The following ZRANB2 variants were observed in gnomAD, a reference collection of about 807,000 sequenced individuals.
ZRANB2 encodes the protein zinc finger Ran-binding domain-containing protein 2.
ZRANB2 carries 19 observed loss-of-function variants against 53.4 expected under a neutral mutation model. The ratio of observed to expected loss-of-function variants is 0.36; its 90% CI spans 0.25 to 0.52. The LOEUF (loss-of-function observed/expected upper bound fraction) is 0.52. ZRANB2 is among the 20% of genes least tolerant of loss of function. The probability of loss-of-function intolerance (pLI) is 0.93; values close to 1 mark genes in which losing one functional copy is unlikely to be tolerated. For missense variants in ZRANB2, 309 were observed against 401.1 expected, an observed-to-expected ratio of 0.77 and a Z score of 1.96; for synonymous variants, 145 against 134.8, an observed-to-expected ratio of 1.08 and a Z score of -0.52.
At chr1:71,080,536 C>A (rs1441163743) in intron 1 of ZRANB2, among the ~76,000 whole-genome samples, 1 of 150,800 alleles carries the variant, frequency 6.6e-6, no homozygotes, top group Non-Finnish European at 1.5e-5. Flanking sequence ...TGCGAGAAAG[C>A]AATATTTTCC....
intron 4 of ZRANB2, 135 bp downstream of exon 4, chr1:71,076,660 C>T (rs1022150709): frequency 1.0e-5 from 7 of 687,246 alleles, no homozygotes; most frequent in Non-Finnish European, 1.7e-5. Flanking sequence ...GAAAAAAATC[C>T]CAGTAACAAA....
intron 4 of ZRANB2, among the ~76,000 whole-genome samples, chr1:71,073,482 AG>A (rs1661637423): frequency 6.6e-6 from 1 of 151,852 alleles, no homozygotes; most frequent in Non-Finnish European, 1.5e-5. Flanking sequence ...TATAAAAATT[AG>A]GACTTGTAAC....
intron 9 of ZRANB2, 104 bp downstream of exon 9, chr1:71,066,672 G>T: frequency 8.2e-7 from 1 of 1,217,054 alleles, no homozygotes; most frequent in Non-Finnish European, 1.1e-6. Flanking sequence ...GTAGAAAGTC[G>T]GAACACAAGA....
intron 1 of ZRANB2, among the ~76,000 whole-genome samples, chr1:71,080,581 C>T (rs558156048): frequency 1.5e-5 from 2 of 133,664 alleles, no homozygotes; most frequent in African/African-American, 5.7e-5. Context: ...AGAAAAGTCA[C>T]GTGGGGGAGA....
At chr1:71,076,270 T>C (rs1202618010) in intron 4 of ZRANB2, among the ~76,000 whole-genome samples, 1 of 152,228 alleles carries the variant, frequency 6.6e-6, no homozygotes, top group African/African-American at 2.4e-5. Context: ...GGCCAATGAT[T>C]ATCAAACACC....
chr1:71,080,299 T>C (rs903009428), intron 1 of ZRANB2, among the ~76,000 whole-genome samples: 19 of 152,286 alleles, frequency 1.2e-4, no homozygotes, highest in African/African-American at 3.1e-4. Flanking sequence ...GCTTCTCTGC[T>C]GCAGGCATCT....
rs965461363 is a variant in ZRANB2, at chr1:71,077,994, C to T, written c.218+463G>A. On this transcript the variant is annotated intron_variant, in intron 3 of 9. Transcript: ENST00000370920. The stretch of plus-strand genomic sequence containing the variant: ...AAATCAATGAAGAATTAAATCTAAG[C>T]CTGAAAATAAAAATCATTAAGAAAC... Among the ~76,000 whole-genome samples the T allele has an allele frequency of 4.6e-5, 7 of 152,174 alleles. No homozygotes were observed. In the East Asian group the frequency reaches 1.2e-3, roughly 25 times the overall value.
Position 71,065,046 on chromosome 1 carries a change from A to G in ZRANB2, c.*28T>C, listed in dbSNP as rs189228363. The stretch of plus-strand genomic sequence containing the variant: ...AAATATGCTTCATGCACTGTACTGG[A>G]TTTTTTTAAGATGTAAATTTTAATA... On this transcript the variant is annotated 3_prime_UTR_variant, in exon 10 of 10. Transcript: ENST00000370920. 66 of 1,555,382 alleles carry G rather than the reference A, an allele frequency of 4.2e-5. No homozygotes were observed. In the African/African-American group the frequency reaches 8.0e-4, roughly 19 times the overall value.
intron 8 of ZRANB2, chr1:71,067,578 T>G (rs1661476269): frequency 2.5e-6 from 1 of 394,992 alleles, no homozygotes; most frequent in African/African-American, 2.3e-5. Context: ...AATGTGCAAA[T>G]GTTTAAATAC....
intron 6 of ZRANB2, among the ~76,000 whole-genome samples, chr1:71,071,624 C>G (rs975425101): frequency 2.6e-5 from 4 of 152,172 alleles, no homozygotes; most frequent in African/African-American, 9.6e-5. Flanking sequence ...CCCCTCTGCT[C>G]TAACTATACT....
rs752132324 is a variant in ZRANB2 at position 71,080,972 on chromosome 1, G to A, written c.24C>T (p.Val8=). Residue 8 remains valine, a synonymous_variant, in exon 1 of 10, where the codon GTC becomes GTT. Transcript: ENST00000370920. ...CAGGGCAAATCCAGTCCCCGTCACTGACTCGGAAATTCTTGGTCGACATCT... is the reference window on the plus strand; with the variant it reads ...CAGGGCAAATCCAGTCCCCGTCACTAACTCGGAAATTCTTGGTCGACATCT... MSTKNFR[V]SDGDWICPDK... 9 of 1,614,066 alleles carry A rather than the reference G, an allele frequency of 5.6e-6. No individual in the cohort carries two copies. The Admixed American group carries it at 1.0e-4, about 18-fold the overall frequency.
intron 8 of ZRANB2, chr1:71,067,696 T>A: frequency 2.3e-6 from 1 of 430,058 alleles, no homozygotes; most frequent in Non-Finnish European, 4.7e-6. Context: ...AAAAGGAGAA[T>A]TCTTTGGAAA....
chr1:71,073,970 ATATG>A (rs1661651170), intron 4 of ZRANB2, among the ~76,000 whole-genome samples: 1 of 152,116 alleles, frequency 6.6e-6, no homozygotes, highest in African/African-American at 2.4e-5. Flanking sequence ...CAATGGAATG[ATATG>A]TATGTTTCCG....
intron 7 of ZRANB2, 41 bp downstream of exon 7, chr1:71,070,786 G>T: frequency 8.4e-7 from 1 of 1,197,502 alleles, no homozygotes; most frequent in Non-Finnish European, 1.1e-6. Flanking sequence ...GTTAGATACT[G>T]ACATTTTGAC....
intron 4 of ZRANB2, among the ~76,000 whole-genome samples, chr1:71,075,829 G>A (rs1393487079): frequency 1.3e-5 from 2 of 151,752 alleles, no homozygotes; most frequent in African/African-American, 2.4e-5. Context: ...TGAAAGTGGC[G>A]GTTGGGCTGG....
rs1040761753 is a variant in ZRANB2, at chr1:71,064,068, G to T, written c.*1006C>A. On this transcript the variant is annotated 3_prime_UTR_variant, in exon 10 of 10. Coordinates refer to ENST00000370920, the MANE Select transcript of ZRANB2 (RefSeq NM_203350.3). ...TTTTAAGCCATAACTTATTTCAAAT[G>T]AATAGGAAAAATAATGACTTTTGCT... 1.3e-5 allele frequency: 2 copies of T among 152,338 alleles called. No individual in the cohort carries two copies. Among genetic ancestry groups the T allele is most frequent in the African/African-American group, 4.8e-5 (2 of 41,418 alleles). The allele number at this position is 152,338 out of a possible 1,614,324, so 9.4% of individuals were successfully genotyped here. A position where few individuals can be genotyped will look rare whatever the true frequency, so the allele number is the denominator to read the frequency against.
intron 7 of ZRANB2, among the ~76,000 whole-genome samples, chr1:71,070,360 A>G (rs1452394808): frequency 2.0e-5 from 3 of 152,190 alleles, no homozygotes; most frequent in African/African-American, 7.2e-5. Context: ...CAGAACTAAT[A>G]TGGCTGAATT....
intron 6 of ZRANB2, among the ~76,000 whole-genome samples, chr1:71,071,267 C>T (rs1251363579): frequency 1.3e-5 from 2 of 152,086 alleles, no homozygotes; most frequent in Non-Finnish European, 2.9e-5. Context: ...AGTCCACCTC[C>T]TTAAAAGTCC....
At chr1:71,076,673 T>C (rs1324026154) in intron 4 of ZRANB2, 122 bp downstream of exon 4, 1 of 749,080 alleles carries the variant, frequency 1.3e-6, no homozygotes, top group East Asian at 2.8e-5. Context: ...GTAACAAACA[T>C]TCAGGGCAGA....
Sources: allele counts gnomAD v4.1 joint callset (sites outside exome capture counted in the v4.1 genomes callset), GRCh38; gene constraint gnomAD v4.1.1; transcripts MANE v1.5; gene names NCBI Gene and HGNC (gene_info 2026-07-23, HGNC 2026-07-21).